The following NRXN1 variants were observed in gnomAD, a reference collection of about 807,000 sequenced individuals.
NRXN1 encodes the protein neurexin-1.
Under a neutral mutation model 150.9 loss-of-function variants are expected in NRXN1, and 39 were observed. That is an observed-to-expected ratio of 0.26 (90% confidence interval 0.20 to 0.34). The LOEUF is 0.34. Among genes scored for constraint, NRXN1 ranks in the 10% least tolerant of loss-of-function variants. The pLI is 1.00. For synonymous variants in NRXN1, 924 were observed against 757.0 expected, an observed-to-expected ratio of 1.22 and a Z score of -3.62; for missense variants, 1,815 against 1,949.9, an observed-to-expected ratio of 0.93 and a Z score of 1.30.
rs1407762434 is a variant in NRXN1 at position 50,233,420 on chromosome 2, A to C, written c.3546+3369T>G. On this transcript the variant is annotated intron_variant, in intron 18 of 22. Coordinates refer to ENST00000401669, the MANE Select transcript of NRXN1 (RefSeq NM_001330078.2). ...AAATTTTTAAAAATCCAACATTTTTATTCTGAAAAATTGGATGACAAACCA... is the reference window on the plus strand; with the variant it reads ...AAATTTTTAAAAATCCAACATTTTTCTTCTGAAAAATTGGATGACAAACCA... Among the ~76,000 whole-genome samples, 5 of 152,064 alleles carry C rather than the reference A, an allele frequency of 3.3e-5. No homozygotes were observed. The East Asian group carries it at 9.7e-4, about 29-fold the overall frequency.
At chr2:50,506,793 G>A (rs2092247995) in intron 12 of NRXN1, 176 bp from the exon 13 acceptor site, 1 of 635,364 alleles carries the variant, frequency 1.6e-6, no homozygotes, top group Non-Finnish European at 2.6e-6. Flanking sequence ...AGGCGGGCTG[G>A]ACCAATTTTC....
intron 5 of NRXN1, among the ~76,000 whole-genome samples, chr2:50,868,765 T>C (rs972760484): frequency 4.0e-5 from 6 of 151,824 alleles, no homozygotes; most frequent in African/African-American, 1.2e-4. Context: ...TTGGCAATAG[T>C]TCTCTTCTCC....
At chr2:50,095,921 C>T (rs889055363) in intron 18 of NRXN1, among the ~76,000 whole-genome samples, 7 of 146,372 alleles carry the variant, frequency 4.8e-5, no homozygotes, top group Admixed American at 6.8e-5. Context: ...TATCTCCTAA[C>T]GCTATCCCTC....
At chr2:51,030,148 C>T (rs1023643921) in intron 1 of NRXN1, among the ~76,000 whole-genome samples, 1 of 152,158 alleles carries the variant, frequency 6.6e-6, no homozygotes. Flanking sequence ...AAAAATTACT[C>T]TTACCTTTTG....
chr2:50,445,670 T>C (rs1484911850), intron 17 of NRXN1, among the ~76,000 whole-genome samples: 1 of 152,190 alleles, frequency 6.6e-6, no homozygotes, highest in Non-Finnish European at 1.5e-5. Context: ...CACGAGGAAA[T>C]AATTGCCACA....
intron 5 of NRXN1, among the ~76,000 whole-genome samples, chr2:50,826,823 A>C (rs893379745): frequency 6.6e-6 from 1 of 152,152 alleles, no homozygotes; most frequent in Non-Finnish European, 1.5e-5. Context: ...TTTTTACATA[A>C]ATTAGGAGCT....
chr2:50,515,192 G>A (rs1463454314), intron 12 of NRXN1, among the ~76,000 whole-genome samples: 1 of 152,138 alleles, frequency 6.6e-6, no homozygotes, highest in African/African-American at 2.4e-5. Flanking sequence ...AACTGCACAT[G>A]CAAGGGATCT....
intron 21 of NRXN1, among the ~76,000 whole-genome samples, chr2:50,024,637 C>A (rs756450170): frequency 1.3e-5 from 2 of 150,846 alleles, no homozygotes; most frequent in Non-Finnish European, 3.0e-5. Flanking sequence ...TTTTTGGAGA[C>A]GAAGTCTGGC....
intron 17 of NRXN1, among the ~76,000 whole-genome samples, chr2:50,282,947 A>G (rs1219101194): frequency 6.6e-6 from 1 of 152,096 alleles, no homozygotes. Context: ...AAGAACATAG[A>G]TCTCTTTTAC....
chr2:50,387,897 A>G (rs1031467467), intron 17 of NRXN1, among the ~76,000 whole-genome samples: 1 of 152,220 alleles, frequency 6.6e-6, no homozygotes, highest in Non-Finnish European at 1.5e-5. Context: ...TGTGGACAAT[A>G]AATATCAAAT....
At chr2:50,189,000 A>T (rs1329514149) in intron 18 of NRXN1, among the ~76,000 whole-genome samples, 1 of 152,238 alleles carries the variant, frequency 6.6e-6, no homozygotes, top group Non-Finnish European at 1.5e-5. Context: ...CATTTGACCC[A>T]GCAATCCCAT....
intron 8 of NRXN1, among the ~76,000 whole-genome samples, chr2:50,586,573 A>T (rs1044601816): frequency 5.3e-5 from 8 of 152,154 alleles, no homozygotes; most frequent in African/African-American, 1.7e-4. Context: ...ATATTAAAAA[A>T]AAAAGTAGAC....
chr2:50,651,470 GTAACATGACATGACA>G (rs1377548034), intron 5 of NRXN1, among the ~76,000 whole-genome samples: 2 of 137,898 alleles, frequency 1.5e-5, no homozygotes, highest in Non-Finnish European at 3.2e-5. Flanking sequence ...ATAACATAAC[GTAACATGACATGACA>G]TGACATGACA....
At chr2:50,729,446 G>A (rs1439199551) in intron 5 of NRXN1, among the ~76,000 whole-genome samples, 1 of 152,202 alleles carries the variant, frequency 6.6e-6, no homozygotes, top group East Asian at 1.9e-4. Flanking sequence ...GTCACAATCT[G>A]TAGAGCTAGG....
chr2:49,924,435 C>T (rs1029603328), intron 22 of NRXN1, among the ~76,000 whole-genome samples: 1 of 151,776 alleles, frequency 6.6e-6, no homozygotes, highest in Non-Finnish European at 1.5e-5. Flanking sequence ...GAATTGATAT[C>T]GTAAATGGAC....
At chr2:50,973,701 G>A (rs981793367) in intron 2 of NRXN1, among the ~76,000 whole-genome samples, 1 of 152,006 alleles carries the variant, frequency 6.6e-6, no homozygotes, top group Admixed American at 6.6e-5. Context: ...CATCCTTGGG[G>A]CAATATAAGA....
In NRXN1 at chr2:50,421,789, A is replaced by G. The variant is rs796124294; in HGVS notation, c.3364+43653T>C. On this transcript the variant is annotated intron_variant, in intron 17 of 22. Coordinates refer to ENST00000401669, the MANE Select transcript of NRXN1 (RefSeq NM_001330078.2). ...TAAACTAGTCATCCATGCAAGATGCATAATTCATCATGAAGAGATCAGAAC... is the reference window on the plus strand; with the variant it reads ...TAAACTAGTCATCCATGCAAGATGCGTAATTCATCATGAAGAGATCAGAAC... 6.6e-5 allele frequency among the ~76,000 whole-genome samples: 10 copies of G among 152,280 alleles called. 1 individual carries two copies. The highest frequency in any genetic ancestry group is 2.4e-4 in the African/African-American group (10 of 41,582).
chr2:50,655,629 T>G (rs896068786), intron 5 of NRXN1, among the ~76,000 whole-genome samples: 1 of 151,290 alleles, frequency 6.6e-6, no homozygotes, highest in South Asian at 2.1e-4. Flanking sequence ...GAATGAGGAA[T>G]AGTTATATTT....
chr2:50,299,110 T>C (rs914481673), intron 17 of NRXN1, among the ~76,000 whole-genome samples: 1 of 152,120 alleles, frequency 6.6e-6, no homozygotes, highest in South Asian at 2.1e-4. Flanking sequence ...TTTCAGGAAA[T>C]GGCTTATTTA....
Sources: allele counts gnomAD v4.1 joint callset (sites outside exome capture counted in the v4.1 genomes callset), GRCh38; gene constraint gnomAD v4.1.1; transcripts MANE v1.5; gene names NCBI Gene and HGNC (gene_info 2026-07-23, HGNC 2026-07-21).